The following MEGF6 variants were observed in gnomAD, a reference collection of about 807,000 sequenced individuals.
The protein encoded by MEGF6 is multiple EGF like domains 6.
MEGF6 carries 184 observed loss-of-function variants against 207.1 expected under a neutral mutation model. The ratio of observed to expected loss-of-function variants is 0.89; its 90% confidence interval spans 0.79 to 1.00. MEGF6 has a LOEUF of 1.00. Ranked by LOEUF, MEGF6 falls within the 50% of genes least tolerant of loss-of-function variation. The probability of loss-of-function intolerance (pLI) is 0.00; values close to 1 mark genes in which losing one functional copy is unlikely to be tolerated. For missense variants in MEGF6, 2,282 were observed against 2,202.9 expected (o/e 1.04, Z -0.72); for synonymous variants, 1,038 against 910.0 (o/e 1.14, Z -2.53).
At chr1:3,510,718 G>A in intron 10 of MEGF6, 65 bp downstream of exon 10, 1 of 1,539,978 alleles carries the variant, frequency 6.5e-7, no homozygotes, top group Non-Finnish European at 8.8e-7. Flanking sequence ...CCAGCCCCGT[G>A]TCCTTCCTTA....
intron 7 of MEGF6, among the ~76,000 whole-genome samples, chr1:3,512,849 GAC>G (rs1443030690): frequency 1.3e-5 from 2 of 152,198 alleles, no homozygotes; most frequent in South Asian, 2.1e-4. Context: ...GCCTGGTCTG[GAC>G]ACACACCGCT....
intron 4 of MEGF6, among the ~76,000 whole-genome samples, chr1:3,554,537 A>G (rs890657533): frequency 6.6e-6 from 1 of 152,182 alleles, no homozygotes; most frequent in Non-Finnish European, 1.5e-5. Flanking sequence ...CTGATGTACC[A>G]GAGTGTCACT....
chr1:3,555,702 G>T (rs72853573), intron 4 of MEGF6, among the ~76,000 whole-genome samples: 11 of 152,256 alleles, frequency 7.2e-5, no homozygotes, highest in African/African-American at 2.4e-4. Flanking sequence ...GCCCTGCCCC[G>T]CAGGGCTGCC....
rs373942541 is a variant in MEGF6, at chr1:3,560,019, G to T, written c.481+19806C>A. ...TATGAGAGTCCGTCTCAAAATAAAA[G>T]AAAAAAAAAAAAAAAAAGGAAACAC... is the stretch of plus-strand genomic sequence containing the variant. On this transcript the variant is annotated intron_variant, in intron 4 of 36. Coordinates refer to ENST00000356575, the MANE Select transcript of MEGF6 (RefSeq NM_001409.4). The surrounding 1 kb of genome is among the most constrained non-coding windows in gnomAD (Gnocchi z 4.0). Among the ~76,000 whole-genome samples, 10 of 97,458 alleles carry T rather than the reference G, an allele frequency of 1.0e-4. No homozygotes were observed. Among genetic ancestry groups the T allele is most frequent in the East Asian group, 2.7e-4 (1 of 3,642 alleles). The allele number at this position is 97,458 out of a possible 152,430, so 63.9% of individuals were successfully genotyped here. A position where few individuals can be genotyped will look rare whatever the true frequency, so the allele number is the denominator to read the frequency against.
At chr1:3,495,582 TG>T (rs2100854695) in intron 30 of MEGF6, among the ~76,000 whole-genome samples, 1 of 152,272 alleles carries the variant, frequency 6.6e-6, no homozygotes, top group South Asian at 2.1e-4. Flanking sequence ...AGGCAGGCGC[TG>T]GGTAGGAACC....
At chr1:3,520,896 T>C (rs1198315494) in intron 5 of MEGF6, among the ~76,000 whole-genome samples, 1 of 152,156 alleles carries the variant, frequency 6.6e-6, no homozygotes, top group Admixed American at 6.5e-5. Context: ...CAGCCTCCTC[T>C]GGGGCCTTCC....
intron 4 of MEGF6, among the ~76,000 whole-genome samples, chr1:3,544,498 C>T (rs1016391483): frequency 6.6e-6 from 1 of 152,166 alleles, no homozygotes; most frequent in African/African-American, 2.4e-5. Flanking sequence ...TAGGAGGGAC[C>T]CCCACGCAGC....
rs1466776801 is a variant in MEGF6 at position 3,503,611 on chromosome 1, G to A, written c.2188+1597C>T. Among the ~76,000 whole-genome samples the A allele has an allele frequency of 2.0e-5, 3 of 152,144 alleles. No homozygotes were observed. In the East Asian group the frequency reaches 5.8e-4, roughly 29 times the overall value. Reference sequence around the variant, plus strand: ...AGCAGGGACTGGAAGGAGGGTCACAGGCATCAGGGGAGGGTGAGCTGCTGG... The same window carrying A: ...AGCAGGGACTGGAAGGAGGGTCACAAGCATCAGGGGAGGGTGAGCTGCTGG... On this transcript the variant is annotated intron_variant, in intron 17 of 36. Transcript: ENST00000356575.
intron 5 of MEGF6, among the ~76,000 whole-genome samples, chr1:3,520,653 C>T (rs1216313787): frequency 6.6e-6 from 1 of 152,168 alleles, no homozygotes. Flanking sequence ...ACTGGGCGGG[C>T]AGGGCTGGGG....
intron 14 of MEGF6, 58 bp from the exon 15 acceptor site, chr1:3,506,294 C>A: frequency 1.9e-6 from 3 of 1,578,572 alleles, no homozygotes; most frequent in Non-Finnish European, 2.6e-6. Flanking sequence ...CACATGTGGT[C>A]CCCCCATGTG....
intron 3 of MEGF6, among the ~76,000 whole-genome samples, chr1:3,589,026 G>A (rs1643937021): frequency 6.6e-6 from 1 of 152,140 alleles, no homozygotes; most frequent in African/African-American, 2.4e-5. Context: ...TTAGAAATGG[G>A]GTCTTTGCAG....
intron 4 of MEGF6, among the ~76,000 whole-genome samples, chr1:3,578,816 A>C (rs1257335949): frequency 1.3e-5 from 2 of 151,544 alleles, no homozygotes; most frequent in African/African-American, 4.8e-5. Context: ...CCCCAGCGGA[A>C]CGTGGAGTGG....
chr1:3,610,962 GC>G (rs961622081), intron 1 of MEGF6, among the ~76,000 whole-genome samples, 175 bp downstream of exon 1: 1 of 152,240 alleles, frequency 6.6e-6, no homozygotes, highest in Non-Finnish European at 1.5e-5. Context: ...CCACAGAAGG[GC>G]CCCAGACTCG....
At chr1:3,557,680 CCG>C (rs1643076120) in intron 4 of MEGF6, among the ~76,000 whole-genome samples, 2 of 152,230 alleles carry the variant, frequency 1.3e-5, no homozygotes, top group African/African-American at 4.8e-5. Flanking sequence ...CTGCGGAGCA[CCG>C]AGGGATGCCC....
chr1:3,533,841 G>T lies in MEGF6; in HGVS notation c.482-9595C>A, dbSNP rs1299158361. ...TCCATCAGCACCCCATCTGGGGAAG[G>T]TTCCTCAAGAGGCCCTTCCTTGAAG... On this transcript the variant is annotated intron_variant, in intron 4 of 36. Coordinates refer to ENST00000356575, the MANE Select transcript of MEGF6 (RefSeq NM_001409.4). Among the ~76,000 whole-genome samples, 3 of 152,198 alleles carry T rather than the reference G, an allele frequency of 2.0e-5. No homozygotes were observed. The East Asian group carries it at 5.8e-4, about 29-fold the overall frequency.
intron 3 of MEGF6, among the ~76,000 whole-genome samples, chr1:3,589,848 G>A (rs1643948369): frequency 1.3e-5 from 2 of 152,222 alleles, no homozygotes. Flanking sequence ...GATTCAAGGT[G>A]CAATTAGTTT....
At position 3,508,525 on chromosome 1, in the gene MEGF6, T is replaced by TCCCAGCC. The variant is rs753753560; in HGVS notation, c.1660+26_1660+32dup. 5.0e-6 allele frequency: 8 copies of TCCCAGCC among 1,601,738 alleles called. No individual in the cohort carries two copies. The South Asian group carries it at 6.7e-5, about 13-fold the overall frequency. On this transcript the variant is annotated intron_variant, in intron 13 of 36. Transcript: ENST00000356575. ...CAGGTCTTGGGGCTCAGAGGCCCCT[T>TCCCAGCC]CCCAGCCCCCAGCCCCTGCCCAGCT...
At chr1:3,529,341 TC>T (rs1326730625) in intron 4 of MEGF6, among the ~76,000 whole-genome samples, 1 of 152,064 alleles carries the variant, frequency 6.6e-6, no homozygotes. Context: ...ACCTGCTCAT[TC>T]CAGGGACAAC....
intron 4 of MEGF6, among the ~76,000 whole-genome samples, chr1:3,558,908 T>C (rs1420763435): frequency 2.0e-5 from 3 of 152,088 alleles, no homozygotes; most frequent in Non-Finnish European, 4.4e-5. Context: ...GTGCCTGTGG[T>C]CCCAGCTACT....
Sources: gnomAD v4.1 joint callset for allele counts (sites outside exome capture counted in the v4.1 genomes callset) on GRCh38, gnomAD v4.1.1 for gene constraint, Gnocchi (gnomAD v3.1) non-coding constraint, MANE v1.5 for transcripts, NCBI Gene and HGNC (gene_info 2026-07-23, HGNC 2026-07-21) for gene names.